CHLSN: variants seen among roughly 807,000 people sequenced by gnomAD.
The protein encoded by CHLSN is cholesin.
At chr7:1,070,842 G>A in the CHLSN span, among the ~76,000 whole-genome samples, 24 of 108,636 alleles carry the variant, frequency 2.2e-4, no homozygotes, top group Admixed American at 5.5e-4. Flanking sequence ...TACACACAAC[G>A]CGTGCACACG....
the CHLSN span, chr7:985,367 G>A: frequency 6.5e-7 from 1 of 1,534,016 alleles, no homozygotes; most frequent in East Asian, 2.5e-5. Flanking sequence ...GGAGCCTGGA[G>A]TGATGGGCGT....
chr7:1,005,534 C>T, the CHLSN span, among the ~76,000 whole-genome samples: 1 of 152,360 alleles, frequency 6.6e-6, no homozygotes, highest in Middle Eastern at 3.4e-3. Context: ...TCCTCCCATA[C>T]TTGGAGCTGG....
chr7:1,062,874 A>G, the CHLSN span, among the ~76,000 whole-genome samples: 1 of 152,100 alleles, frequency 6.6e-6, no homozygotes, highest in Non-Finnish European at 1.5e-5. Context: ...TTTCACATGT[A>G]CCCCTACTCC....
the CHLSN span, chr7:1,127,145 G>A: frequency 7.5e-7 from 1 of 1,327,684 alleles, no homozygotes; most frequent in Non-Finnish European, 1.0e-6. Flanking sequence ...CTCCGCACCT[G>A]TTCCAGGCTC....
chr7:1,049,238 G>C, the CHLSN span, among the ~76,000 whole-genome samples: 2,153 of 152,354 alleles, frequency 0.014, 50 homozygotes, highest in African/African-American at 0.048. Flanking sequence ...CAAAGATTCT[G>C]AGCAAAAGGT....
the CHLSN span, among the ~76,000 whole-genome samples, chr7:1,008,821 T>C: frequency 1.8e-5 from 2 of 113,360 alleles, no homozygotes; most frequent in East Asian, 2.2e-4. Flanking sequence ...CACACGCACA[T>C]ATACACAACG....
At chr7:1,036,980 A>G in the CHLSN span, among the ~76,000 whole-genome samples, 2 of 147,260 alleles carry the variant, frequency 1.4e-5, 1 homozygote, top group Non-Finnish European at 3.1e-5. Flanking sequence ...GCGTGGTGGC[A>G]TGCGCCTGTA....
At chr7:1,067,657 T>G in the CHLSN span, among the ~76,000 whole-genome samples, 2 of 41,768 alleles carry the variant, frequency 4.8e-5, no homozygotes, top group Non-Finnish European at 8.7e-5. Flanking sequence ...GAGGCTGGAG[T>G]ACATCCAGAG....
the CHLSN span, among the ~76,000 whole-genome samples, chr7:1,079,814 C>A: frequency 1.3e-5 from 2 of 152,258 alleles, no homozygotes; most frequent in Non-Finnish European, 2.9e-5. Context: ...GGGGAAGCAG[C>A]CCTGGAGAAG....
the CHLSN span, chr7:1,055,494 G>A: frequency 2.2e-6 from 1 of 454,738 alleles, no homozygotes; most frequent in South Asian, 1.6e-5. Flanking sequence ...GTGAGAGCCT[G>A]TGGTGCCCGC....
chr7:1,092,518 G>T, the CHLSN span: 2 of 1,608,058 alleles, frequency 1.2e-6, no homozygotes, highest in South Asian at 1.1e-5. Flanking sequence ...GATCCTCGCG[G>T]TGGTGCTGGT....
chr7:992,391 C>T, the CHLSN span, among the ~76,000 whole-genome samples: 5 of 152,314 alleles, frequency 3.3e-5, no homozygotes, highest in East Asian at 7.7e-4. Flanking sequence ...AGGGTGAGGC[C>T]CCCCCACAGT....
At chr7:1,087,585 TC>T in the CHLSN span, among the ~76,000 whole-genome samples, 2 of 152,230 alleles carry the variant, frequency 1.3e-5, no homozygotes, top group African/African-American at 4.8e-5. Context: ...GTCACGACGC[TC>T]CAACAGTGTC....
chr7:1,020,031 G>A, the CHLSN span, among the ~76,000 whole-genome samples: 1 of 152,214 alleles, frequency 6.6e-6, no homozygotes, highest in Non-Finnish European at 1.5e-5. Context: ...CGAGGCGGCA[G>A]GTGGCCGGCC....
At chr7:980,466 A>G in the CHLSN span, among the ~76,000 whole-genome samples, 2 of 152,258 alleles carry the variant, frequency 1.3e-5, no homozygotes, top group East Asian at 3.8e-4. Context: ...GCCTTGGCTC[A>G]GCCACCTGGT....
chr7:1,048,664 T>G, the CHLSN span, among the ~76,000 whole-genome samples: 1 of 152,234 alleles, frequency 6.6e-6, no homozygotes, highest in Non-Finnish European at 1.5e-5. Context: ...CTTTGGGCTC[T>G]TTTTAAATAA....
chr7:1,095,502 C>T, the CHLSN span, among the ~76,000 whole-genome samples: 1 of 152,250 alleles, frequency 6.6e-6, no homozygotes. Context: ...ACCTGTCAGG[C>T]ATTCCCCACA....
the CHLSN span, among the ~76,000 whole-genome samples, chr7:1,106,991 G>A: frequency 1.2e-4 from 19 of 152,164 alleles, no homozygotes; most frequent in East Asian, 1.9e-4. Context: ...ACCAGGCCAC[G>A]GGGAAGCGCA....
chr7:1,006,904 G>C, the CHLSN span, among the ~76,000 whole-genome samples: 12 of 152,164 alleles, frequency 7.9e-5, no homozygotes, highest in Non-Finnish European at 1.5e-4. Context: ...GAGCACCCCA[G>C]GAAGGCTGCA....
Sources: allele counts gnomAD v4.1 joint callset (sites outside exome capture counted in the v4.1 genomes callset), GRCh38; gene constraint gnomAD v4.1.1; transcripts MANE v1.5; gene names NCBI Gene and HGNC (gene_info 2026-07-23, HGNC 2026-07-21).